Variants in DLL1 observed in about 807,000 individuals in gnomAD.
The protein encoded by DLL1 is delta like canonical Notch ligand 1, also known as delta-like protein 1.
Under a neutral mutation model 75.1 loss-of-function variants are expected in DLL1, and 9 were observed. That is an observed-to-expected ratio of 0.12 (90% CI 0.07 to 0.21). DLL1 has a LOEUF of 0.21. Among genes scored for constraint, DLL1 ranks in the 10% least tolerant of loss-of-function variants. The pLI, the probability that DLL1 is intolerant of heterozygous loss-of-function variation, is 1.00. For synonymous variants in DLL1, 477 were observed against 418.3 expected (o/e 1.14, Z -1.71); for missense variants, 837 against 1,007.6 (o/e 0.83, Z 2.29).
chr6:170,283,369 G>C lies in DLL1; in HGVS notation c.1910C>G (p.Pro637Arg). The C allele has an allele frequency of 1.2e-6, 2 of 1,612,140 alleles. No homozygotes were observed. Among genetic ancestry groups the C allele is most frequent in the Non-Finnish European group, 1.7e-6 (2 of 1,180,032 alleles). ...CTGCACGAGGTTATAGTCCACCGCT[G>C]GGTAGCGGGCCTTGAAGCCATTCTT... ...ADKNGFKARY[P>R]AVDYNLVQDL... The change falls in exon 9 of 11, where the codon CCA becomes CGA. Residue 637 changes from proline (P) to arginine (R), a missense_variant. By Grantham distance (103) the Pro-to-Arg change is moderately radical (BLOSUM62 -2). This residue lies in a region of DLL1 where 533 missense variants were observed against 545.7 expected (regional missense o/e 0.98). Coordinates refer to ENST00000366756, the MANE Select transcript of DLL1 (RefSeq NM_005618.4).
At chr6:170,284,833 G>A in intron 8 of DLL1, 86 bp downstream of exon 8, 2 of 1,315,946 alleles carry the variant, frequency 1.5e-6, no homozygotes, top group Non-Finnish European at 2.2e-6. Context: ...ATAAACTCGA[G>A]GTCACTCACA....
chr6:170,282,936 CT>C lies in DLL1; in HGVS notation c.2166+51del, dbSNP rs541326631. The C allele has an allele frequency of 6.0e-4, 962 of 1,614,246 alleles. 1 individual carries two copies. The highest frequency in any genetic ancestry group is 1.0e-3 in the Admixed American group (61 of 60,034). ...CCTGAGACCGATTCCCGTGCTCCAG[CT>C]TCAGGTGCTCCCATGCCGAGGAGGA... On this transcript the variant is annotated intron_variant, in intron 10 of 10. Transcript: ENST00000366756.
At position 170,290,949 on chromosome 6, in the gene DLL1, G is replaced by A. The variant is rs1423661315; in HGVS notation, c.-810C>T. The A allele has an allele frequency of 2.7e-5, 19 of 699,938 alleles. No individual in the cohort carries two copies. The highest frequency in any genetic ancestry group is 5.0e-5 in the Non-Finnish European group (19 of 383,526). The allele number at this position is 699,938 out of a possible 1,614,324, so 43.4% of individuals were successfully genotyped here. ...GATCTGGCTCTCGCCGGCGCCTGCC[G>A]CCCTTATATTCAGCCGGCCGCCCGC... On this transcript the variant is annotated 5_prime_UTR_variant, in exon 1 of 11. Transcript: ENST00000366756. This position sits in a 1 kb window ranked among gnomAD's most constrained non-coding sequence, Gnocchi z 4.7.
chr6:170,283,696 G>T lies in DLL1; in HGVS notation c.1583C>A (p.Ala528Glu). 1.3e-6 allele frequency: 2 copies of T among 1,557,658 alleles called. No homozygotes were observed. ...FLLPELPPGP[A>E]VVDLTEKLEG... is the part of the protein sequence containing the mutation. ...TAGCTTCTCAGTGAGGTCCACCACC[G>T]CTGGGCCCGGGGGCAGCTCGGGGAG... Residue 528 changes from alanine to glutamate, a missense_variant, in exon 9 of 11, where the codon GCG becomes GAG. Around this residue, in one of 2 missense-constraint regions of DLL1, gnomAD observed 533 missense variants for 545.7 expected, o/e 0.98. Coordinates refer to ENST00000366756, the MANE Select transcript of DLL1 (RefSeq NM_005618.4).
rs773584103 is a variant in DLL1, at chr6:170,283,989, G to A, written c.1290C>T (p.Arg430=). The change falls in exon 9 of 11, where the codon CGC becomes CGT. Residue 430 remains arginine (R), a synonymous_variant. Transcript: ENST00000366756. The stretch of plus-strand genomic sequence containing the variant: ...GCCTCCCCGAGAAGCCGGCCTGGCA[G>A]CGGCACAGGTAGGCATCACCGAGGT... The part of the protein sequence containing the change: ...CVDLGDAYLC[R]CQAGFSGRHC... 1 of 1,579,334 alleles carries A rather than the reference G, an allele frequency of 6.3e-7. No homozygotes were observed. The highest frequency in any genetic ancestry group is 8.6e-7 in the Non-Finnish European group (1 of 1,168,776).
Position 170,283,886 on chromosome 6 carries a change from AGTC to A in DLL1, c.1390_1392del (p.Asp464del). On this transcript the variant is annotated inframe_deletion, in exon 9 of 11. Transcript: ENST00000366756. ...TAGCCAGGCGGGCAGGTGCAGGAGAAGTCGTTCACGCCATCCCGGCAGGTGCCC... is the reference window on the plus strand; with the variant it reads ...TAGCCAGGCGGGCAGGTGCAGGAGAAGTTCACGCCATCCCGGCAGGTGCCC... The A allele has an allele frequency of 6.2e-7, 1 of 1,606,896 alleles. No individual in the cohort carries two copies. The highest frequency in any genetic ancestry group is 8.5e-7 in the Non-Finnish European group (1 of 1,179,402).
rs1783812129 is a variant in DLL1 at position 170,289,877 on chromosome 6, G to A, written c.55-69C>T. On this transcript the variant is annotated intron_variant, in intron 1 of 10. Coordinates refer to ENST00000366756, the MANE Select transcript of DLL1 (RefSeq NM_005618.4). ...GAGCTAGGGGGCGTGAGGCCTGGGT[G>A]GGGGGTGTGCGGAGAGCCTGGAAGG... 4.7e-6 allele frequency: 7 copies of A among 1,482,194 alleles called. No individual in the cohort carries two copies. In the East Asian group the frequency reaches 1.7e-4, roughly 37 times the overall value. 91.8% of individuals were successfully genotyped at this position (1,482,194 alleles called of 1,614,324 possible).
intron 2 of DLL1, 111 bp from the exon 3 acceptor site, chr6:170,288,900 A>G: frequency 8.3e-7 from 1 of 1,204,960 alleles, no homozygotes; most frequent in Non-Finnish European, 1.2e-6. Context: ...TGAAGGCTGC[A>G]GGTCTGGGGC....
In DLL1 at chr6:170,290,884, TGCCCTCG is replaced by T. The variant is rs1783847558; in HGVS notation, c.-752_-746del. The T allele has an allele frequency of 4.4e-6, 3 of 685,442 alleles. No individual in the cohort carries two copies. The East Asian group carries it at 8.2e-5, about 19-fold the overall frequency. 42.5% of individuals were successfully genotyped at this position (685,442 alleles called of 1,614,324 possible). A position where few individuals can be genotyped will look rare whatever the true frequency, so the allele number is the denominator to read the frequency against. ...CGGCTGCCCGGGTTCCCCTGCGCTC[TGCCCTCG>T]GCCGGGTCGGGTCTCCGCGGGTGCG... On this transcript the variant is annotated 5_prime_UTR_variant, in exon 1 of 11. Transcript: ENST00000366756. This position sits in a 1 kb window ranked among gnomAD's most constrained non-coding sequence, Gnocchi z 4.7.
Position 170,285,311 on chromosome 6 carries a change from G to A in DLL1, c.975C>T (p.Cys325=), listed in dbSNP as rs762743550. The A allele has an allele frequency of 4.1e-5, 66 of 1,614,028 alleles. No homozygotes were observed. Among genetic ancestry groups the A allele is most frequent in the Non-Finnish European group, 5.0e-5 (59 of 1,180,028 alleles). Residue 325 remains cysteine (C), a synonymous_variant, in exon 7 of 11, where the codon TGC becomes TGT. Coordinates refer to ENST00000366756, the MANE Select transcript of DLL1 (RefSeq NM_005618.4). The part of the protein sequence containing the change: ...SCRPGYTGAT[C]ELGIDECDPS... ...GGTCACACTCGTCAATCCCCAGCTC[G>A]CAGGTGGCACCTGTGTACCCAGGCC...
rs1484845584 is a variant in DLL1, at chr6:170,282,603, A to T, written c.*271T>A. 3.4e-6 allele frequency: 2 copies of T among 596,338 alleles called. No homozygotes were observed. The highest frequency in any genetic ancestry group is 3.7e-5 in the African/African-American group (2 of 53,760). 36.9% of individuals were successfully genotyped at this position (596,338 alleles called of 1,614,324 possible). On this transcript the variant is annotated 3_prime_UTR_variant, in exon 11 of 11. Transcript: ENST00000366756. The stretch of plus-strand genomic sequence containing the variant: ...AGTGCATGCTTCTTATGCGTAATTC[A>T]GTTCACCCATTTAAATATATATTCT...
chr6:170,283,023 A>C lies in DLL1; in HGVS notation c.2131T>G (p.Ser711Ala). ...DTKYQSVYVI[S>A]EEKDECVIAT... ...ATGACGCACTCATCCTTCTCCTCGGATATGACGTACACCGACTGGTACTTG... is the reference window on the plus strand; with the variant it reads ...ATGACGCACTCATCCTTCTCCTCGGCTATGACGTACACCGACTGGTACTTG... The change falls in exon 10 of 11, where the codon TCC (serine) becomes GCC (alanine). Residue 711 changes from serine (S) to alanine (A), a missense_variant. This residue lies in a region of DLL1 where 533 missense variants were observed against 545.7 expected (regional missense o/e 0.98). Coordinates refer to ENST00000366756, the MANE Select transcript of DLL1 (RefSeq NM_005618.4). 1 of 1,614,116 alleles carries C rather than the reference A, an allele frequency of 6.2e-7. No individual in the cohort carries two copies. The highest frequency in any genetic ancestry group is 8.5e-7 in the Non-Finnish European group (1 of 1,180,028).
intron 4 of DLL1, among the ~76,000 whole-genome samples, chr6:170,286,805 AC>A (rs1783706545): frequency 8.8e-6 from 1 of 113,390 alleles, no homozygotes; most frequent in Admixed American, 9.0e-5. Context: ...TCGCGTGTAC[AC>A]ACACACACAC....
chr6:170,285,011 T>C lies in DLL1; in HGVS notation c.1157A>G (p.Asp386Gly). ...GGGGCAGCGGCAGCTGTACCCTCCATCGGGGCTGTCTGAGCACCGACCCCC... is the reference window on the plus strand; with the variant it reads ...GGGGCAGCGGCAGCTGTACCCTCCACCGGGGCTGTCTGAGCACCGACCCCC... ...FNGGRCSDSP[D>G]GGYSCRCPVG... Residue 386 changes from aspartate to glycine, a missense_variant, in exon 8 of 11, where the codon GAT (aspartate) becomes GGT (glycine). Asp to Gly is a moderately conservative substitution (Grantham distance 94, BLOSUM62 -1). Around this residue, in one of 2 missense-constraint regions of DLL1, gnomAD observed 533 missense variants for 545.7 expected, o/e 0.98. Coordinates refer to ENST00000366756, the MANE Select transcript of DLL1 (RefSeq NM_005618.4). 6.2e-7 allele frequency: 1 copy of C among 1,614,044 alleles called. No homozygotes were observed. The highest frequency in any genetic ancestry group is 8.5e-7 in the Non-Finnish European group (1 of 1,180,020).
At chr6:170,287,989 C>A (rs1052469943) in intron 4 of DLL1, among the ~76,000 whole-genome samples, 1 of 152,142 alleles carries the variant, frequency 6.6e-6, no homozygotes, top group African/African-American at 2.4e-5. Context: ...CTCTAAAATC[C>A]TCCCTGATTA....
At position 170,286,229 on chromosome 6, in the gene DLL1, C is replaced by G. The variant is rs41269635; in HGVS notation, c.731+9G>C. ...CAACAAAACAAAACACCACCTTGTG[C>G]AGACTTACTTGCATTCCCCTGGTTT... is the stretch of plus-strand genomic sequence containing the variant. On this transcript the variant is annotated intron_variant, in intron 5 of 10. Coordinates refer to ENST00000366756, the MANE Select transcript of DLL1 (RefSeq NM_005618.4). 5.4e-3 allele frequency: 8,665 copies of G among 1,614,182 alleles called. 38 individuals carry two copies. The highest frequency in any genetic ancestry group is 6.6e-3 in the Non-Finnish European group (7,771 of 1,180,010).
intron 6 of DLL1, 39 bp downstream of exon 6, chr6:170,285,530 T>A: frequency 6.2e-7 from 1 of 1,614,154 alleles, no homozygotes; most frequent in South Asian, 1.1e-5. Context: ...CCAGGGCTGC[T>A]CTGGAGGGAG....
In DLL1 at chr6:170,286,246, C is replaced by T; in HGVS notation, c.723G>A (p.Gly241=). 1 of 1,614,184 alleles carries T rather than the reference C, an allele frequency of 6.2e-7. No homozygotes were observed. The highest frequency in any genetic ancestry group is 8.5e-7 in the Non-Finnish European group (1 of 1,180,022). Residue 241 remains glycine, a synonymous_variant, in exon 5 of 11, where the codon GGG becomes GGA. Transcript: ENST00000366756. ...DEQHGFCDKP[G]ECKCRVGWQG... The stretch of plus-strand genomic sequence containing the variant: ...ACCTTGTGCAGACTTACTTGCATTC[C>T]CCTGGTTTGTCACAAAATCCATGCT...
chr6:170,289,913 C>G (rs977571386), intron 1 of DLL1, 105 bp from the exon 2 acceptor site: 15 of 1,348,900 alleles, frequency 1.1e-5, no homozygotes, highest in Non-Finnish European at 9.7e-6. Context: ...GCTCAGGGGC[C>G]GAGCGCGCTC....
Sources: allele counts gnomAD v4.1 joint callset (sites outside exome capture counted in the v4.1 genomes callset), GRCh38; gene constraint gnomAD v4.1.1; regional missense constraint gnomAD v4.1.1; non-coding constraint Gnocchi (gnomAD v3.1); transcripts MANE v1.5; gene names NCBI Gene and HGNC (gene_info 2026-07-23, HGNC 2026-07-21).